RRP9: variants seen among roughly 807,000 people sequenced by gnomAD.
RRP9 encodes ribosomal RNA processing 9, U3 small nucleolar RNA binding protein.
A neutral mutation model predicts 65.5 loss-of-function variants in RRP9; 35 were observed. The ratio of observed to expected loss-of-function variants is 0.53; its 90% CI spans 0.41 to 0.71. The LOEUF is 0.71. Among genes scored for constraint, RRP9 ranks in the 30% least tolerant of loss-of-function variants. RRP9 has a pLI of 0.00. For missense variants in RRP9, 533 were observed against 633.6 expected (o/e 0.84, Z 1.70); for synonymous variants, 254 against 245.0 (o/e 1.04, Z -0.34).
Position 51,937,431 on chromosome 3 carries a change from C to G in RRP9, c.391-113G>C. 1 of 1,604,990 alleles carries G rather than the reference C, an allele frequency of 6.2e-7. No homozygotes were observed. The highest frequency in any genetic ancestry group is 8.5e-7 in the Non-Finnish European group (1 of 1,172,826). On this transcript the variant is annotated intron_variant, in intron 5 of 14. Transcript: ENST00000232888. This position sits in a 1 kb window ranked among gnomAD's most constrained non-coding sequence, Gnocchi z 5.0. ...CCCAGGCCAGAAGGAAAACAAGACC[C>G]AAGGCTACAACAACCAGATCCTTAC...
intron 2 of RRP9, among the ~76,000 whole-genome samples, chr3:51,940,190 A>G (rs1408272147): frequency 1.3e-5 from 2 of 152,128 alleles, no homozygotes; most frequent in Non-Finnish European, 1.5e-5. Context: ...TGGGAAGCAG[A>G]GGTTGCAGTG....
chr3:51,938,619 C>T (rs565533285), intron 2 of RRP9, among the ~76,000 whole-genome samples: 2 of 152,202 alleles, frequency 1.3e-5, no homozygotes, highest in South Asian at 2.1e-4. Flanking sequence ...CCCTAAAATG[C>T]CATGCCCAGT....
Position 51,934,869 on chromosome 3 carries a change from AC to A in RRP9, c.1035-94del, listed in dbSNP as rs1321326904. 2.2e-6 allele frequency: 3 copies of A among 1,337,314 alleles called. No homozygotes were observed. The highest frequency in any genetic ancestry group is 2.9e-5 in the African/African-American group (2 of 68,358). 82.8% of individuals were successfully genotyped at this position (1,337,314 alleles called of 1,614,324 possible). Reference sequence around the variant, plus strand: ...AGGATTAATGCTTGAGGGGATGGATACCCCATTTCCCATGATGTGATTATTA... The same window carrying A: ...AGGATTAATGCTTGAGGGGATGGATACCCATTTCCCATGATGTGATTATTA... On this transcript the variant is annotated intron_variant, in intron 11 of 14. Transcript: ENST00000232888. The surrounding 1 kb of genome is among the most constrained non-coding windows in gnomAD (Gnocchi z 4.1).
At position 51,937,594 on chromosome 3, in the gene RRP9, G is replaced by T. The variant is rs368997831; in HGVS notation, c.349-8C>A. ...CCTGCCCCTCTGCTCAAGCTGCATG[G>T]AGAAGAGATGGATGAGACCCTGGGA... On this transcript the variant is annotated splice_polypyrimidine_tract_variant and splice_region_variant and intron_variant, in intron 4 of 14. Coordinates refer to ENST00000232888, the MANE Select transcript of RRP9 (RefSeq NM_004704.5). The surrounding 1 kb of genome is among the most constrained non-coding windows in gnomAD (Gnocchi z 5.0). The T allele has an allele frequency of 6.2e-7, 1 of 1,614,164 alleles. No individual in the cohort carries two copies. Among genetic ancestry groups the T allele is most frequent in the South Asian group, 1.1e-5 (1 of 91,084 alleles).
At position 51,940,528 on chromosome 3, in the gene RRP9, G is replaced by GT. The variant is rs530873019; in HGVS notation, c.170+880dup. Among the ~76,000 whole-genome samples, 131 of 150,952 alleles carry GT rather than the reference G, an allele frequency of 8.7e-4. 1 individual carries two copies. Among genetic ancestry groups the GT allele is most frequent in the Middle Eastern group, 3.4e-3 (1 of 294 alleles). Reference sequence around the variant, plus strand: ...ACCAGTCCTCCTGTTTTTGTGTGTGGTTTTTTTTTAGAGACAGGATCTTGC... The same window carrying GT: ...ACCAGTCCTCCTGTTTTTGTGTGTGGTTTTTTTTTTAGAGACAGGATCTTGC... On this transcript the variant is annotated intron_variant, in intron 2 of 14. Transcript: ENST00000232888.
intron 2 of RRP9, among the ~76,000 whole-genome samples, chr3:51,940,927 C>G (rs1271472105): frequency 1.3e-5 from 2 of 152,182 alleles, no homozygotes; most frequent in Non-Finnish European, 2.9e-5. Context: ...TCTCAAGACC[C>G]TATTTAAATG....
At chr3:51,936,217 T>C (rs1372113611) in intron 8 of RRP9, 40 bp downstream of exon 8, 1 of 1,568,094 alleles carries the variant, frequency 6.4e-7, no homozygotes, top group East Asian at 2.2e-5. Flanking sequence ...CACTAGCATG[T>C]GCCCACTAAA....
chr3:51,935,794 G>C (rs187959190), intron 8 of RRP9, 102 bp from the exon 9 acceptor site: 1 of 883,564 alleles, frequency 1.1e-6, no homozygotes, highest in Admixed American at 1.9e-5. Context: ...CATGTGGCAC[G>C]TGCTGTGAGG....
At position 51,935,375 on chromosome 3, in the gene RRP9, G is replaced by C. The variant is rs1217575791; in HGVS notation, c.938C>G (p.Pro313Arg). 6.2e-7 allele frequency: 1 copy of C among 1,614,126 alleles called. No individual in the cohort carries two copies. The highest frequency in any genetic ancestry group is 1.1e-5 in the South Asian group (1 of 91,072). Residue 313 changes from proline (P) to arginine (R), a missense_variant, in exon 10 of 15, where the codon CCC becomes CGC. Pro to Arg is a moderately radical substitution (Grantham distance 103, BLOSUM62 -2). Transcript: ENST00000232888. ...RDGTVRVWKI[P>R]EESQLVFYGH... Reference sequence around the variant, plus strand: ...ATAGAAGACAAGCTGGGACTCCTCGGGGATCTTCCACACACGTACAGTCCC... The same window carrying C: ...ATAGAAGACAAGCTGGGACTCCTCGCGGATCTTCCACACACGTACAGTCCC...
At chr3:51,936,667 G>T in intron 6 of RRP9, 112 bp from the exon 7 acceptor site, 2 of 1,201,974 alleles carry the variant, frequency 1.7e-6, no homozygotes, top group East Asian at 2.4e-5. Context: ...CCCGGACTCG[G>T]CCAGAAGACC....
chr3:51,935,754 G>T, intron 8 of RRP9, 62 bp from the exon 9 acceptor site: 1 of 1,399,752 alleles, frequency 7.1e-7, no homozygotes, highest in Admixed American at 1.7e-5. Flanking sequence ...AGACAGGTCA[G>T]GCCCAGGGAG....
intron 2 of RRP9, 71 bp downstream of exon 2, chr3:51,941,338 G>T: frequency 1.6e-6 from 2 of 1,255,198 alleles, no homozygotes; most frequent in Non-Finnish European, 1.2e-6. Flanking sequence ...AGTTCTGTTC[G>T]GACTCACTCA....
chr3:51,935,637 G>A lies in RRP9; in HGVS notation c.791C>T (p.Ser264Phe), dbSNP rs1358865427. ...HQLYSTSHDR[S>F]VKVWNVAENS... ...CTCTGCCACATTCCACACCTTCACG[G>A]AGCGATCGTGGGATGTGCTGTAGAG... is the stretch of plus-strand genomic sequence containing the variant. Residue 264 changes from serine to phenylalanine, a missense_variant, in exon 9 of 15, where the codon TCC (serine) becomes TTC (phenylalanine). Coordinates refer to ENST00000232888, the MANE Select transcript of RRP9 (RefSeq NM_004704.5). The A allele has an allele frequency of 6.2e-7, 1 of 1,614,170 alleles. No homozygotes were observed. The highest frequency in any genetic ancestry group is 1.1e-5 in the South Asian group (1 of 91,082).
intron 2 of RRP9, 122 bp downstream of exon 2, chr3:51,941,287 C>A (rs990381982): frequency 1.1e-6 from 1 of 885,166 alleles, no homozygotes; most frequent in Non-Finnish European, 1.9e-6. Flanking sequence ...GAAACAGCCA[C>A]GATCTCAGAG....
intron 1 of RRP9, 47 bp downstream of exon 1, chr3:51,941,734 G>C: frequency 6.8e-7 from 1 of 1,478,444 alleles, no homozygotes; most frequent in African/African-American, 1.4e-5. Flanking sequence ...GATGACGGTT[G>C]TCCCAGTAGC....
At chr3:51,938,005 TCACCCATCAAG>T in intron 3 of RRP9, 79 bp downstream of exon 3, 1 of 1,140,920 alleles carries the variant, frequency 8.8e-7, no homozygotes, top group African/African-American at 1.5e-5. Context: ...TCCATGTCAG[TCACCCATCAAG>T]TGGCTGGGGC....
rs969226013 is a variant in RRP9, at chr3:51,937,406, C to A, written c.391-88G>T. ...CACTGCGTAGTGTTGGCCTTTCCCA[C>A]CCAGGCCAGAAGGAAAACAAGACCC... is the stretch of plus-strand genomic sequence containing the variant. On this transcript the variant is annotated intron_variant, in intron 5 of 14. Transcript: ENST00000232888. The surrounding 1 kb of genome is among the most constrained non-coding windows in gnomAD (Gnocchi z 5.0). The A allele has an allele frequency of 2.5e-6, 4 of 1,604,614 alleles. No individual in the cohort carries two copies. In the Admixed American group the frequency reaches 6.7e-5, roughly 27 times the overall value.
intron 2 of RRP9, among the ~76,000 whole-genome samples, chr3:51,940,261 CA>C (rs1230915537): frequency 2.2e-4 from 31 of 141,982 alleles, no homozygotes; most frequent in Non-Finnish European, 2.5e-4. Flanking sequence ...GTCTCAAAAA[CA>C]AAAAAAAAAA....
At position 51,934,214 on chromosome 3, in the gene RRP9, A is replaced by G. The variant is rs371898546; in HGVS notation, c.1260+258T>C. Among the ~76,000 whole-genome samples the G allele has an allele frequency of 3.9e-5, 6 of 152,144 alleles. No individual in the cohort carries two copies. The highest frequency in any genetic ancestry group is 7.4e-5 in the Non-Finnish European group (5 of 68,018). ...CCCAATCTGGCACCAGCAGTACAGAATTCATCACAGGGCCAGGCCTCCATG... is the reference window on the plus strand; with the variant it reads ...CCCAATCTGGCACCAGCAGTACAGAGTTCATCACAGGGCCAGGCCTCCATG... On this transcript the variant is annotated intron_variant, in intron 13 of 14. Coordinates refer to ENST00000232888, the MANE Select transcript of RRP9 (RefSeq NM_004704.5). This position sits in a 1 kb window ranked among gnomAD's most constrained non-coding sequence, Gnocchi z 4.1.
Sources: gnomAD v4.1 joint callset for allele counts (sites outside exome capture counted in the v4.1 genomes callset) on GRCh38, gnomAD v4.1.1 for gene constraint, Gnocchi (gnomAD v3.1) non-coding constraint, MANE v1.5 for transcripts, NCBI Gene and HGNC (gene_info 2026-07-23, HGNC 2026-07-21) for gene names.